Variants in FAM120C observed in about 807,000 individuals in gnomAD.
The protein encoded by FAM120C is family with sequence similarity 120 member C, also known as constitutive coactivator of PPAR-gamma-like protein 2.
Under a neutral mutation model 71.2 loss-of-function variants are expected in FAM120C, and 14 were observed. The ratio of observed to expected loss-of-function variants is 0.20; its 90% confidence interval spans 0.13 to 0.31. The LOEUF is 0.31. Among genes scored for constraint, FAM120C ranks in the 10% least tolerant of loss-of-function variants. The pLI, the probability that FAM120C is intolerant of heterozygous loss-of-function variation, is 1.00. For missense variants in FAM120C, 500 were observed against 879.0 expected (o/e 0.57, Z 5.45); for synonymous variants, 354 against 353.2 (o/e 1.00, Z -0.03).
chrX:54,144,293 T>C (rs1177035293), intron 4 of FAM120C, among the ~76,000 whole-genome samples: 1 of 110,980 alleles, frequency 9.0e-6, no homozygotes, highest in African/African-American at 3.3e-5. Context: ...CTATTCAACA[T>C]AGTGTTGGAA....
intron 10 of FAM120C, among the ~76,000 whole-genome samples, chrX:54,115,478 C>T (rs1482427480): frequency 8.9e-6 from 1 of 111,939 alleles, no homozygotes; most frequent in African/African-American, 3.2e-5. Context: ...AAATGAAACA[C>T]GTATTGTTCA....
chrX:54,155,942 TTAAA>T (rs1454756393), intron 3 of FAM120C, among the ~76,000 whole-genome samples: 1 of 111,005 alleles, frequency 9.0e-6, no homozygotes, highest in Non-Finnish European at 1.9e-5. Context: ...AAAAATTTTT[TTAAA>T]TAAATAGAGA....
chrX:54,130,484 C>A (rs1232202033), intron 9 of FAM120C, among the ~76,000 whole-genome samples: 1 of 111,441 alleles, frequency 9.0e-6, no homozygotes, highest in Non-Finnish European at 1.9e-5. Flanking sequence ...CCATTGAAAA[C>A]TGGACATTTT....
At chrX:54,153,237 T>C (rs2067192419) in intron 3 of FAM120C, among the ~76,000 whole-genome samples, 2 of 110,311 alleles carry the variant, frequency 1.8e-5, no homozygotes, top group African/African-American at 6.6e-5. Flanking sequence ...ACCTTCAGGA[T>C]TGAAGAAATA....
intron 3 of FAM120C, among the ~76,000 whole-genome samples, chrX:54,156,315 CTTTTTTTTTTTTTTT>C (rs35737980): frequency 3.5e-5 from 1 of 28,404 alleles, no homozygotes; most frequent in Admixed American, 6.4e-4. Flanking sequence ...TCACAACAGT[CTTTTTTTTTTTTTTT>C]TTTTTTTTTG....
intron 1 of FAM120C, among the ~76,000 whole-genome samples, chrX:54,163,134 T>C (rs1214314298): frequency 8.9e-6 from 1 of 111,953 alleles, no homozygotes; most frequent in Non-Finnish European, 1.9e-5. Context: ...TGGTTAAACA[T>C]AGTTATCTCA....
At position 54,134,879 on chromosome X, in the gene FAM120C, G is replaced by A; in HGVS notation, c.1568C>T (p.Ser523Phe). The change falls in exon 7 of 16, where the codon TCC becomes TTC. Residue 523 changes from serine (S) to phenylalanine (F), a missense_variant. By Grantham distance (155) the Ser-to-Phe change is radical. Transcript: ENST00000375180. ...ATCACCATCAGAGGAAGAGGAGTGG[G>A]AAGAGTCTGGTCCCAAAGGAGGTGA... The part of the protein sequence containing the change: ...KASPPLGPDS[S>F]HSSSSDGDEP... 1 of 1,211,579 alleles carries A rather than the reference G, an allele frequency of 8.3e-7. No homozygotes were observed. The highest frequency in any genetic ancestry group is 3.0e-5 in the East Asian group (1 of 33,841).
chrX:54,108,554 G>C (rs1352032635), intron 10 of FAM120C, among the ~76,000 whole-genome samples: 1 of 111,444 alleles, frequency 9.0e-6, no homozygotes, highest in African/African-American at 3.3e-5. Flanking sequence ...CTTAATAACT[G>C]AAACAATGTG....
intron 4 of FAM120C, among the ~76,000 whole-genome samples, chrX:54,143,459 C>T (rs1557131984): frequency 4.5e-5 from 5 of 111,861 alleles, no homozygotes; most frequent in South Asian, 3.7e-4. Flanking sequence ...ATCAAATAGA[C>T]GCAATAAAAA....
intron 10 of FAM120C, among the ~76,000 whole-genome samples, chrX:54,093,881 A>C (rs2066835853): frequency 9.0e-6 from 1 of 111,526 alleles, no homozygotes; most frequent in Admixed American, 9.7e-5. Context: ...TATTATTGCT[A>C]TTAGTAGTTA....
At position 54,139,210 on chromosome X, in the gene FAM120C, C is replaced by T. The variant is rs781850750; in HGVS notation, c.1159-2620G>A. On this transcript the variant is annotated intron_variant, in intron 4 of 15. Transcript: ENST00000375180. ...AAAACAGATGTCTCAAGTTATACTACCATCATGAATGTACAAGAGTGTCCC... is the reference window on the plus strand; with the variant it reads ...AAAACAGATGTCTCAAGTTATACTATCATCATGAATGTACAAGAGTGTCCC... 6.3e-5 allele frequency among the ~76,000 whole-genome samples: 7 copies of T among 111,226 alleles called. No homozygotes were observed. The South Asian group carries it at 2.6e-3, about 42-fold the overall frequency.
rs1451810854 is a variant in FAM120C at position 54,116,064 on chromosome X, A to G, written c.2312+481T>C. On this transcript the variant is annotated intron_variant, in intron 10 of 15. Coordinates refer to ENST00000375180, the MANE Select transcript of FAM120C (RefSeq NM_017848.6). ...CCATTGCACTCCAACCTGGGCAACA[A>G]GAGTGAAACTCCATCTCAATAAAAA... Among the ~76,000 whole-genome samples, 6 of 111,806 alleles carry G rather than the reference A, an allele frequency of 5.4e-5. No homozygotes were observed. The South Asian group carries it at 1.9e-3, about 35-fold the overall frequency.
chrX:54,146,278 C>T lies in FAM120C; in HGVS notation c.1158+4967G>A, dbSNP rs782597570. Among the ~76,000 whole-genome samples, 310 of 110,533 alleles carry T rather than the reference C, an allele frequency of 2.8e-3. 2 individuals are homozygous for T. Among genetic ancestry groups the T allele is most frequent in the African/African-American group, 1.0e-2 (303 of 30,443 alleles). On this transcript the variant is annotated intron_variant, in intron 4 of 15. Transcript: ENST00000375180. ...ATATGCAACAAACCTGCACGTTGTGCACATGTACCCTAGAACTTAAAGTAT... is the reference window on the plus strand; with the variant it reads ...ATATGCAACAAACCTGCACGTTGTGTACATGTACCCTAGAACTTAAAGTAT...
chrX:54,181,135 G>C (rs2067347543), intron 1 of FAM120C, among the ~76,000 whole-genome samples: 1 of 109,598 alleles, frequency 9.1e-6, no homozygotes, highest in South Asian at 4.0e-4. Flanking sequence ...AACGAGTCTA[G>C]CATGACTGGA....
intron 3 of FAM120C, among the ~76,000 whole-genome samples, chrX:54,157,124 T>C (rs2067214023): frequency 9.0e-6 from 1 of 111,614 alleles, no homozygotes; most frequent in Admixed American, 9.6e-5. Flanking sequence ...CTAGTCATTG[T>C]ATTTTCTCTC....
intron 15 of FAM120C, 64 bp downstream of exon 15, chrX:54,080,168 T>C (rs1461946584): frequency 4.2e-6 from 4 of 946,716 alleles, no homozygotes; most frequent in Non-Finnish European, 6.1e-6. Context: ...TGATCTCTTT[T>C]AGTTTAGCTG....
At chrX:54,158,637 C>T (rs1248045812) in intron 2 of FAM120C, among the ~76,000 whole-genome samples, 1 of 111,061 alleles carries the variant, frequency 9.0e-6, no homozygotes, top group Non-Finnish European at 1.9e-5. Flanking sequence ...GGCATGGTGG[C>T]AGGTGCCTAT....
intron 6 of FAM120C, 76 bp from the exon 7 acceptor site, chrX:54,135,187 A>G (rs1557130299): frequency 3.9e-5 from 38 of 972,202 alleles, no homozygotes; most frequent in Non-Finnish European, 1.4e-6. Flanking sequence ...AAGTTGTGAC[A>G]CAGTGGATGA....
intron 15 of FAM120C, 152 bp from the exon 16 acceptor site, chrX:54,073,439 T>TC (rs1303795843): frequency 2.0e-4 from 104 of 526,332 alleles, no homozygotes; most frequent in Admixed American, 1.7e-3. Context: ...CAATCTTTTT[T>TC]TTTTTTTTTA....
Sources: allele counts gnomAD v4.1 joint callset (sites outside exome capture counted in the v4.1 genomes callset), GRCh38; gene constraint gnomAD v4.1.1; transcripts MANE v1.5; gene names NCBI Gene and HGNC (gene_info 2026-07-23, HGNC 2026-07-21).